The following WT1 variants were observed in gnomAD, a reference collection of about 807,000 sequenced individuals.
WT1 encodes the protein Wilms tumor protein.
A neutral mutation model predicts 60.8 loss-of-function variants in WT1; 8 were observed. The observed-to-expected ratio is 0.13, with a 90% CI of 0.08 to 0.24. The LOEUF is 0.24. WT1 is among the 10% of genes least tolerant of loss of function. WT1 has a pLI of 1.00. For missense variants in WT1, 568 were observed against 711.8 expected, an observed-to-expected ratio of 0.80 and a Z score of 2.30; for synonymous variants, 312 against 297.1, an observed-to-expected ratio of 1.05 and a Z score of -0.52.
rs1851975989 is a variant in WT1, at chr11:32,396,399, T to TCGCCCCCCGGCATCCGGGGTGGC, written c.1121_1122insGCCACCCCGGATGCCGGGGGGCG (p.Arg375ProfsTer13). 6.2e-7 allele frequency: 1 copy of TCGCCCCCCGGCATCCGGGGTGGC among 1,613,552 alleles called. No homozygotes were observed. Among genetic ancestry groups the TCGCCCCCCGGCATCCGGGGTGGC allele is most frequent in the Admixed American group, 1.7e-5 (1 of 59,974 alleles). On this transcript the variant is annotated frameshift_variant, in exon 7 of 10. Transcript: ENST00000452863. LOFTEE classifies it high-confidence loss of function. ...GAGTCGGGGCTACTCCAGGCACACGTCGCACATCCTGCAGGCAGAGAGTAA... is the reference window on the plus strand; with the variant it reads ...GAGTCGGGGCTACTCCAGGCACACGTCGCCCCCCGGCATCCGGGGTGGCCGCACATCCTGCAGGCAGAGAGTAA...
chr11:32,428,134 G>A (rs1590394799), intron 2 of WT1, 76 bp from the exon 3 acceptor site: 4 of 1,336,098 alleles, frequency 3.0e-6, no homozygotes, highest in Middle Eastern at 2.1e-4. Flanking sequence ...CAGGGGTTGG[G>A]GGAGACACGA....
intron 6 of WT1, among the ~76,000 whole-genome samples, chr11:32,398,971 AC>A (rs5030269): frequency 0.03 from 4,545 of 151,558 alleles, 243 homozygotes; most frequent in African/African-American, 0.1. Flanking sequence ...CCTGGCTAAC[AC>A]TGTGAAACCC....
In WT1 at chr11:32,399,996, G is replaced by A. The variant is rs2132958101; in HGVS notation, c.1065C>T (p.Cys355=). 1 of 1,614,208 alleles carries A rather than the reference G, an allele frequency of 6.2e-7. No homozygotes were observed. Among genetic ancestry groups the A allele is most frequent in the Non-Finnish European group, 8.5e-7 (1 of 1,180,036 alleles). Residue 355 remains cysteine, a synonymous_variant, in exon 6 of 10, where the codon TGC becomes TGT. Coordinates refer to ENST00000452863, the MANE Select transcript of WT1 (RefSeq NM_024426.6). ...GCGTGTGTATTCTGTATTGGGCTCC[G>A]CAGAGGATGGGCGTTGTGTGGTTAT...
rs538257075 is a variant in WT1 at position 32,395,751 on chromosome 11, C to A, written c.1264+506G>T. ...TGCTGGGATTACAGGCGTGAGCCCCCATGACTGACCTTTTTTTTTTAAGTG... is the reference window on the plus strand; with the variant it reads ...TGCTGGGATTACAGGCGTGAGCCCCAATGACTGACCTTTTTTTTTTAAGTG... On this transcript the variant is annotated intron_variant, in intron 7 of 9. Coordinates refer to ENST00000452863, the MANE Select transcript of WT1 (RefSeq NM_024426.6). Among the ~76,000 whole-genome samples the A allele has an allele frequency of 2.2e-4, 32 of 148,188 alleles. No individual in the cohort carries two copies. The South Asian group carries it at 7.2e-3, about 33-fold the overall frequency.
chr11:32,389,124 T>C lies in WT1; in HGVS notation c.1503A>G (p.Ser501=), dbSNP rs1406849673. ...TGTTGTGATGGCGGACTAATTCATC[T>C]GACCGGGCAAACTTTTTCTGACAAC... Residue 501 remains serine, a synonymous_variant, in exon 10 of 10, where the codon TCA becomes TCG. Coordinates refer to ENST00000452863, the MANE Select transcript of WT1 (RefSeq NM_024426.6). 1 of 1,614,252 alleles carries C rather than the reference T, an allele frequency of 6.2e-7. No individual in the cohort carries two copies. Among genetic ancestry groups the C allele is most frequent in the Non-Finnish European group, 8.5e-7 (1 of 1,180,048 alleles).
chr11:32,426,113 ATG>A (rs1409149087), intron 3 of WT1, among the ~76,000 whole-genome samples: 1 of 151,976 alleles, frequency 6.6e-6, no homozygotes, highest in Non-Finnish European at 1.5e-5. Flanking sequence ...GAAGTAACGG[ATG>A]TGTGTGTAGC....
intron 5 of WT1, among the ~76,000 whole-genome samples, chr11:32,415,203 T>G (rs976423767): frequency 6.6e-6 from 1 of 152,202 alleles, no homozygotes; most frequent in Non-Finnish European, 1.5e-5. Context: ...GAAACTGAAA[T>G]GTACTGCTCA....
At chr11:32,401,030 C>G (rs185349564) in intron 5 of WT1, among the ~76,000 whole-genome samples, 1 of 152,214 alleles carries the variant, frequency 6.6e-6, no homozygotes, top group Non-Finnish European at 1.5e-5. Flanking sequence ...TGAAAACAGA[C>G]GTCCACACAA....
chr11:32,435,172 G>T lies in WT1; in HGVS notation c.189C>A (p.Ser63Arg), dbSNP rs1215127008. The change falls in exon 1 of 10, where the codon AGC (serine) becomes AGA (arginine). Residue 63 changes from serine to arginine, a missense_variant. Ser to Arg is a moderately radical substitution (Grantham distance 110). Transcript: ENST00000452863. The stretch of plus-strand genomic sequence containing the variant: ...GCGGCTCAGACCCGGACGCCCCGCG[G>T]CTCCTCCGGCCCTGGAGACGTTCAG... The T allele has an allele frequency of 1.3e-6, 2 of 1,521,228 alleles. No homozygotes were observed. Among genetic ancestry groups the T allele is most frequent in the Non-Finnish European group, 8.8e-7 (1 of 1,140,122 alleles). 94.2% of individuals were successfully genotyped at this position (1,521,228 alleles called of 1,614,324 possible).
intron 9 of WT1, among the ~76,000 whole-genome samples, chr11:32,389,803 G>T (rs977472277): frequency 6.6e-6 from 1 of 152,010 alleles, no homozygotes; most frequent in Non-Finnish European, 1.5e-5. Flanking sequence ...TAGTTGGGGC[G>T]TGGTTCTTAG....
chr11:32,393,751 C>T (rs1183262769), intron 7 of WT1, among the ~76,000 whole-genome samples: 2 of 152,204 alleles, frequency 1.3e-5, no homozygotes, highest in African/African-American at 4.8e-5. Context: ...GCAATGCCTG[C>T]TTGGAAACTG....
chr11:32,397,482 ATTTTTT>A (rs34861119), intron 6 of WT1, among the ~76,000 whole-genome samples: 2 of 139,682 alleles, frequency 1.4e-5, no homozygotes, highest in South Asian at 4.7e-4. Context: ...TGCCCAGCTA[ATTTTTT>A]TTTTTTTTTT....
rs1337126023 is a variant in WT1, at chr11:32,428,802, ATGT to A, written c.662-186_662-184del. 26 of 879,606 alleles carry A rather than the reference ATGT, an allele frequency of 3.0e-5. No individual in the cohort carries two copies. The African/African-American group carries it at 3.8e-4, about 13-fold the overall frequency. 54.5% of individuals were successfully genotyped at this position (879,606 alleles called of 1,614,324 possible). A position where few individuals can be genotyped will look rare whatever the true frequency, so the allele number is the denominator to read the frequency against. ...GCAGGAAGACGGCCCAAGTCCCTGG[ATGT>A]GACCTTGGGACAGGCTTCTCCATCC... On this transcript the variant is annotated intron_variant, in intron 1 of 9. Coordinates refer to ENST00000452863, the MANE Select transcript of WT1 (RefSeq NM_024426.6).
At chr11:32,427,198 T>C (rs5030177) in intron 3 of WT1, among the ~76,000 whole-genome samples, 7 of 152,164 alleles carry the variant, frequency 4.6e-5, no homozygotes, top group Non-Finnish European at 7.4e-5. Flanking sequence ...CCGCAGTTAC[T>C]AGGCAACCCT....
chr11:32,413,032 GC>G (rs1852552382), intron 5 of WT1, among the ~76,000 whole-genome samples: 2 of 152,108 alleles, frequency 1.3e-5, no homozygotes, highest in African/African-American at 4.8e-5. Context: ...CCGTGGACTT[GC>G]TTGGGATACA....
intron 6 of WT1, among the ~76,000 whole-genome samples, chr11:32,398,100 C>T (rs1044679414): frequency 2.0e-5 from 3 of 152,146 alleles, no homozygotes; most frequent in Admixed American, 1.3e-4. Context: ...CTCCCTAAAC[C>T]GTCGTCAGAT....
At chr11:32,404,434 C>T (rs2132979833) in intron 5 of WT1, among the ~76,000 whole-genome samples, 1 of 152,140 alleles carries the variant, frequency 6.6e-6, no homozygotes, top group Non-Finnish European at 1.5e-5. Context: ...CAGGAATTGA[C>T]AGCAAGGTGT....
At chr11:32,423,649 T>G (rs72909474) in intron 3 of WT1, among the ~76,000 whole-genome samples, 16 of 152,144 alleles carry the variant, frequency 1.1e-4, no homozygotes, top group Admixed American at 2.6e-4. Flanking sequence ...CTGTATTGCC[T>G]GAATTTGAAC....
Position 32,400,126 on chromosome 11 carries a change from T to G in WT1, c.1017-82A>C, listed in dbSNP as rs566385811. On this transcript the variant is annotated intron_variant, in intron 5 of 9. Coordinates refer to ENST00000452863, the MANE Select transcript of WT1 (RefSeq NM_024426.6). ...ATGCTTATCTGCAATCAGGAGGGAA[T>G]GATGGTTTTTAAAGCTCACAGAACA... 448 of 1,511,602 alleles carry G rather than the reference T, an allele frequency of 3.0e-4. 1 individual carries two copies. In the African/African-American group the frequency reaches 5.3e-3, roughly 18 times the overall value. The allele number at this position is 1,511,602 out of a possible 1,614,324, so 93.6% of individuals were successfully genotyped here. A position where few individuals can be genotyped will look rare whatever the true frequency, so the allele number is the denominator to read the frequency against.
Sources: allele counts gnomAD v4.1 joint callset (sites outside exome capture counted in the v4.1 genomes callset), GRCh38; gene constraint gnomAD v4.1.1; transcripts MANE v1.5; gene names NCBI Gene and HGNC (gene_info 2026-07-23, HGNC 2026-07-21).